The following GPHN variants were observed in gnomAD, a reference collection of about 807,000 sequenced individuals.
GPHN encodes the protein gephyrin.
GPHN carries 17 observed loss-of-function variants against 95.5 expected under a neutral mutation model. That is an observed-to-expected ratio of 0.18 (90% CI 0.12 to 0.27). The LOEUF (loss-of-function observed/expected upper bound fraction) is 0.27. Among genes scored for constraint, GPHN ranks in the 10% least tolerant of loss-of-function variants. GPHN has a pLI of 1.00. For missense variants in GPHN, 660 were observed against 978.1 expected (o/e 0.67, Z 4.34); for synonymous variants, 320 against 322.5 (o/e 0.99, Z 0.08).
the GPHN span, among the ~76,000 whole-genome samples, chr14:67,329,352 G>A: frequency 6.6e-6 from 1 of 152,268 alleles, no homozygotes; most frequent in African/African-American, 2.4e-5. Flanking sequence ...TGCTGAAGTT[G>A]CTTATCAGCT....
At chr14:67,359,791 A>G in the GPHN span, 5 of 1,456,146 alleles carry the variant, frequency 3.4e-6, no homozygotes, top group Middle Eastern at 1.9e-4. Context: ...CCTCTACGGG[A>G]GTCAGCTGGT....
chr14:67,611,541 A>G, the GPHN span, among the ~76,000 whole-genome samples: 23 of 152,106 alleles, frequency 1.5e-4, no homozygotes, highest in Non-Finnish European at 1.5e-5. Flanking sequence ...GGCTGGGATT[A>G]CAGGTGTGAG....
At chr14:66,639,851 G>A (rs2064298624) in intron 1 of GPHN, among the ~76,000 whole-genome samples, 1 of 151,996 alleles carries the variant, frequency 6.6e-6, no homozygotes, top group Non-Finnish European at 1.5e-5. Context: ...ATATACATAT[G>A]AAATTTTGTC....
the GPHN span, among the ~76,000 whole-genome samples, chr14:67,708,142 G>A: frequency 1.2e-4 from 19 of 152,116 alleles, no homozygotes; most frequent in African/African-American, 4.1e-4. Flanking sequence ...TATGCCCCAA[G>A]TTTTGTTCAT....
intron 1 of GPHN, among the ~76,000 whole-genome samples, chr14:66,642,425 C>T (rs1312555363): frequency 2.0e-5 from 3 of 152,102 alleles, no homozygotes; most frequent in Non-Finnish European, 4.4e-5. Context: ...TAAACATAGC[C>T]TCTAGCTTAA....
intron 2 of GPHN, among the ~76,000 whole-genome samples, chr14:66,744,404 C>T (rs1292511228): frequency 1.3e-5 from 2 of 152,122 alleles, no homozygotes; most frequent in Non-Finnish European, 2.9e-5. Flanking sequence ...GTAATTTAAA[C>T]AAGGAATTAA....
chr14:67,592,696 C>CA, the GPHN span: 1 of 1,605,238 alleles, frequency 6.2e-7, no homozygotes, highest in Non-Finnish European at 8.5e-7. Context: ...CAATAAGATG[C>CA]AGAGGTAGTA....
chr14:67,132,665 A>G (rs987472254), intron 17 of GPHN, among the ~76,000 whole-genome samples: 1 of 151,966 alleles, frequency 6.6e-6, no homozygotes, highest in Non-Finnish European at 1.5e-5. Flanking sequence ...CTTTATCTTT[A>G]AGCGTTGCTA....
At chr14:67,523,611 T>A in the GPHN span, among the ~76,000 whole-genome samples, 1 of 152,250 alleles carries the variant, frequency 6.6e-6, no homozygotes, top group Non-Finnish European at 1.5e-5. Context: ...TTATTTGTGT[T>A]CTACAATGGG....
the GPHN span, among the ~76,000 whole-genome samples, chr14:67,652,114 C>T: frequency 4.6e-5 from 7 of 152,192 alleles, no homozygotes; most frequent in African/African-American, 1.7e-4. Flanking sequence ...CATGCTAGGC[C>T]ACCTGTGCCC....
the GPHN span, among the ~76,000 whole-genome samples, chr14:67,396,374 C>T: frequency 6.6e-6 from 1 of 151,074 alleles, no homozygotes; most frequent in South Asian, 2.1e-4. Flanking sequence ...TCTTGAACTC[C>T]TGACCTCAGG....
intron 1 of GPHN, among the ~76,000 whole-genome samples, chr14:66,591,039 G>A (rs941121911): frequency 6.6e-5 from 10 of 152,080 alleles, no homozygotes; most frequent in South Asian, 2.1e-4. Context: ...TATGTAAACC[G>A]AAGCAACGAT....
At chr14:66,657,303 T>C (rs1454849662) in intron 1 of GPHN, among the ~76,000 whole-genome samples, 1 of 152,188 alleles carries the variant, frequency 6.6e-6, no homozygotes, top group Non-Finnish European at 1.5e-5. Flanking sequence ...TTCCTGAGGT[T>C]TGAGGAAATA....
At chr14:67,320,509 T>A in the GPHN span, 1 of 1,007,586 alleles carries the variant, frequency 9.9e-7, no homozygotes, top group Non-Finnish European at 1.4e-6. Context: ...CTGTTGTCAG[T>A]GAAAGAGGAA....
intron 1 of GPHN, among the ~76,000 whole-genome samples, chr14:66,546,977 A>G (rs1036858289): frequency 6.6e-6 from 1 of 151,800 alleles, no homozygotes; most frequent in Non-Finnish European, 1.5e-5. Flanking sequence ...TTCTTTCTCT[A>G]TTTCTTAATT....
chr14:66,658,087 G>A (rs755867676), intron 1 of GPHN, among the ~76,000 whole-genome samples: 200 of 152,254 alleles, frequency 1.3e-3, no homozygotes, highest in Non-Finnish European at 1.9e-3. Context: ...TAAAACTTTA[G>A]AAATTGATTC....
chr14:67,107,997 G>A (rs528801402), intron 13 of GPHN, among the ~76,000 whole-genome samples: 1 of 152,302 alleles, frequency 6.6e-6, no homozygotes, highest in South Asian at 2.1e-4. Context: ...TACTTTCTAA[G>A]CCTTGCCATA....
chr14:67,008,145 A>G (rs776344692), intron 9 of GPHN, among the ~76,000 whole-genome samples: 1 of 152,106 alleles, frequency 6.6e-6, no homozygotes, highest in Non-Finnish European at 1.5e-5. Context: ...CAAGGAGGAA[A>G]TATTTGCAAC....
chr14:67,370,156 A>G, the GPHN span, among the ~76,000 whole-genome samples: 1 of 152,268 alleles, frequency 6.6e-6, no homozygotes, highest in African/African-American at 2.4e-5. Flanking sequence ...AATGCCTTTA[A>G]GCAGTTTTCT....
Sources: gnomAD v4.1 joint callset for allele counts (sites outside exome capture counted in the v4.1 genomes callset) on GRCh38, gnomAD v4.1.1 for gene constraint, MANE v1.5 for transcripts, NCBI Gene and HGNC (gene_info 2026-07-23, HGNC 2026-07-21) for gene names.